The following GSK3B variants were observed in gnomAD, a reference collection of about 807,000 sequenced individuals.
GSK3B encodes glycogen synthase kinase-3 beta.
Under a neutral mutation model 56.4 loss-of-function variants are expected in GSK3B, and 15 were observed. That is an observed-to-expected ratio of 0.27 (90% CI 0.18 to 0.41). The LOEUF (loss-of-function observed/expected upper bound fraction) is 0.41. Ranked by LOEUF, GSK3B falls within the 10% of genes least tolerant of loss-of-function variation. The pLI, the probability that GSK3B is intolerant of heterozygous loss-of-function variation, is 1.00. For missense variants in GSK3B, 300 were observed against 513.4 expected, an observed-to-expected ratio of 0.58 and a Z score of 4.02; for synonymous variants, 181 against 188.9, an observed-to-expected ratio of 0.96 and a Z score of 0.34.
At chr3:119,971,680 C>T (rs1384269520) in intron 2 of GSK3B, among the ~76,000 whole-genome samples, 1 of 121,654 alleles carries the variant, frequency 8.2e-6, no homozygotes, top group East Asian at 2.8e-4. Context: ...GGCGGGATCT[C>T]GGCTCACTGC....
rs866338490 is a variant in GSK3B at position 120,029,864 on chromosome 3, A to G, written c.89-27625T>C. On this transcript the variant is annotated intron_variant, in intron 1 of 10. Transcript: ENST00000264235. ...GCCCCCAAAAAAGGAGGTGGCTCTA[A>G]GTAAAACTGGGATTGGACAGTACTG... 118 of 551,020 alleles carry G rather than the reference A, an allele frequency of 2.1e-4. 1 individual carries two copies. In the Middle Eastern group the frequency reaches 0.011, roughly 50 times the overall value. The allele number at this position is 551,020 out of a possible 1,614,324, so 34.1% of individuals were successfully genotyped here.
At chr3:119,920,048 A>T (rs2056823847) in intron 4 of GSK3B, among the ~76,000 whole-genome samples, 1 of 152,230 alleles carries the variant, frequency 6.6e-6, no homozygotes, top group African/African-American at 2.4e-5. Flanking sequence ...AAAGGAACAG[A>T]GCAGAGGGAA....
At chr3:119,890,040 GTGT>G (rs752019586) in intron 7 of GSK3B, among the ~76,000 whole-genome samples, 4 of 152,122 alleles carry the variant, frequency 2.6e-5, no homozygotes, top group Admixed American at 6.6e-5. Flanking sequence ...GAATTCTGAT[GTGT>G]TGTTGGTGGG....
intron 1 of GSK3B, among the ~76,000 whole-genome samples, chr3:120,070,393 T>C (rs1393886701): frequency 6.6e-6 from 1 of 152,150 alleles, no homozygotes; most frequent in African/African-American, 2.4e-5. Context: ...GTACTAAGCA[T>C]CTTACATGCA....
At chr3:120,031,451 C>CT (rs2057974746) in intron 1 of GSK3B, among the ~76,000 whole-genome samples, 1 of 152,182 alleles carries the variant, frequency 6.6e-6, no homozygotes, top group South Asian at 2.1e-4. Context: ...TGAAAGGCGA[C>CT]TGAGGATAAG....
At chr3:120,081,739 C>T (rs2058421370) in intron 1 of GSK3B, among the ~76,000 whole-genome samples, 1 of 152,112 alleles carries the variant, frequency 6.6e-6, no homozygotes, top group Non-Finnish European at 1.5e-5. Flanking sequence ...CTCCACACTG[C>T]AGAAAATACA....
intron 2 of GSK3B, among the ~76,000 whole-genome samples, chr3:119,978,787 G>A (rs898613832): frequency 9.2e-5 from 14 of 151,988 alleles, no homozygotes; most frequent in East Asian, 1.9e-4. Context: ...AAGATCTGCC[G>A]TCCCCTGGCT....
At chr3:120,032,224 C>T (rs2057982293) in intron 1 of GSK3B, among the ~76,000 whole-genome samples, 1 of 152,024 alleles carries the variant, frequency 6.6e-6, no homozygotes, top group Non-Finnish European at 1.5e-5. Flanking sequence ...TGCCCGTAAC[C>T]CCAACACTTT....
At chr3:119,929,730 C>A (rs906644044) in intron 3 of GSK3B, among the ~76,000 whole-genome samples, 9 of 152,028 alleles carry the variant, frequency 5.9e-5, no homozygotes, top group Admixed American at 2.0e-4. Context: ...TGGAGAAATC[C>A]CGTCTCTACT....
At chr3:119,980,989 T>C (rs2057455595) in intron 2 of GSK3B, among the ~76,000 whole-genome samples, 1 of 152,148 alleles carries the variant, frequency 6.6e-6, no homozygotes, top group Admixed American at 6.6e-5. Context: ...ATACAAGAAA[T>C]GTTGTATAAT....
chr3:120,076,011 GC>G (rs149997834), intron 1 of GSK3B, among the ~76,000 whole-genome samples: 3,934 of 152,178 alleles, frequency 0.026, 172 homozygotes, highest in African/African-American at 0.089. Flanking sequence ...GTTTAGTACT[GC>G]CATAAAAACA....
intron 10 of GSK3B, among the ~76,000 whole-genome samples, chr3:119,833,690 GTTTTTTTT>G (rs902919136): frequency 2.6e-5 from 2 of 75,788 alleles, no homozygotes; most frequent in Admixed American, 1.4e-4. Context: ...ACATTAGGTT[GTTTTTTTT>G]TTTTTTTTTT....
At chr3:119,869,911 A>G (rs1323803750) in intron 8 of GSK3B, among the ~76,000 whole-genome samples, 1 of 152,224 alleles carries the variant, frequency 6.6e-6, no homozygotes, top group African/African-American at 2.4e-5. Flanking sequence ...ATAGTACTAC[A>G]TGCCTACACA....
intron 2 of GSK3B, among the ~76,000 whole-genome samples, chr3:119,999,594 A>T (rs935868400): frequency 3.9e-5 from 6 of 152,228 alleles, no homozygotes; most frequent in Non-Finnish European, 7.3e-5. Flanking sequence ...ATATTTAAAA[A>T]ATGGAGACCC....
Position 119,855,622 on chromosome 3 carries a change from A to G in GSK3B, c.1096+7797T>C, listed in dbSNP as rs2056009227. Reference sequence around the variant, plus strand: ...AGACTGGATTAAGAAAATGTGGCACATATACACGATGGAATACTATGCAGC... The same window carrying G: ...AGACTGGATTAAGAAAATGTGGCACGTATACACGATGGAATACTATGCAGC... On this transcript the variant is annotated intron_variant, in intron 9 of 10. Coordinates refer to ENST00000264235, the MANE Select transcript of GSK3B (RefSeq NM_001146156.2). Among the ~76,000 whole-genome samples the G allele has an allele frequency of 2.0e-5, 3 of 152,244 alleles. No homozygotes were observed. The South Asian group carries it at 6.2e-4, about 32-fold the overall frequency.
At chr3:119,937,898 TAAAAA>T in intron 3 of GSK3B, among the ~76,000 whole-genome samples, 1 of 150,732 alleles carries the variant, frequency 6.6e-6, no homozygotes, top group East Asian at 2.0e-4. Context: ...GACTGACAAA[TAAAAA>T]GAAAAAGAAT....
intron 1 of GSK3B, among the ~76,000 whole-genome samples, chr3:120,058,114 A>C (rs2058206037): frequency 6.6e-6 from 1 of 152,154 alleles, no homozygotes; most frequent in Non-Finnish European, 1.5e-5. Flanking sequence ...CCAAAGATTC[A>C]ATTTGGGGGG....
At chr3:119,904,508 T>C (rs2056662642) in intron 7 of GSK3B, among the ~76,000 whole-genome samples, 1 of 152,172 alleles carries the variant, frequency 6.6e-6, no homozygotes, top group South Asian at 2.1e-4. Context: ...TACACACTAG[T>C]CTTTTCAACC....
chr3:119,992,341 C>T (rs1248579627), intron 2 of GSK3B, among the ~76,000 whole-genome samples: 1 of 151,944 alleles, frequency 6.6e-6, no homozygotes, highest in Non-Finnish European at 1.5e-5. Flanking sequence ...CATATAATAA[C>T]AGTAACATCT....
Sources: allele counts gnomAD v4.1 joint callset (sites outside exome capture counted in the v4.1 genomes callset), GRCh38; gene constraint gnomAD v4.1.1; transcripts MANE v1.5; gene names NCBI Gene and HGNC (gene_info 2026-07-23, HGNC 2026-07-21).